Variants in ADAM9 observed in about 807,000 individuals in gnomAD.
The protein encoded by ADAM9 is disintegrin and metalloproteinase domain-containing protein 9.
Under a neutral mutation model 108.1 loss-of-function variants are expected in ADAM9, and 54 were observed. The ratio of observed to expected loss-of-function variants is 0.50; its 90% CI spans 0.40 to 0.63. ADAM9 has a LOEUF of 0.63. Among genes scored for constraint, ADAM9 ranks in the 20% least tolerant of loss-of-function variants. The pLI, the probability that ADAM9 is intolerant of heterozygous loss-of-function variation, is 0.00. For synonymous variants in ADAM9, 316 were observed against 336.0 expected (o/e 0.94, Z 0.65); for missense variants, 830 against 997.7 (o/e 0.83, Z 2.26).
At chr8:39,011,616 T>C (rs1836357049) in intron 2 of ADAM9, 42 bp from the exon 3 acceptor site, 2 of 1,559,072 alleles carry the variant, frequency 1.3e-6, no homozygotes, top group East Asian at 4.5e-5. Flanking sequence ...AAAAGTAATT[T>C]TTAAGATGAT....
intron 1 of ADAM9, among the ~76,000 whole-genome samples, chr8:38,999,768 T>A (rs140864314): frequency 5.4e-4 from 82 of 152,334 alleles, no homozygotes; most frequent in African/African-American, 1.9e-3. Flanking sequence ...AAATTTATAT[T>A]TGCTCTTTGT....
At chr8:39,002,008 T>G (rs77147621) in intron 1 of ADAM9, among the ~76,000 whole-genome samples, 13,408 of 145,268 alleles carry the variant, frequency 0.092, 783 homozygotes, top group Non-Finnish European at 0.13. Context: ...TTATCTGGAA[T>G]TGACCTGGCG....
At chr8:39,022,082 G>A (rs1028410126) in intron 8 of ADAM9, among the ~76,000 whole-genome samples, 1 of 150,864 alleles carries the variant, frequency 6.6e-6, no homozygotes, top group Non-Finnish European at 1.5e-5. Context: ...GTGTGTGTGT[G>A]TGTGTGTGTG....
intron 12 of ADAM9, among the ~76,000 whole-genome samples, chr8:39,043,644 A>G (rs931364403): frequency 1.1e-4 from 16 of 152,200 alleles, no homozygotes; most frequent in African/African-American, 3.6e-4. Context: ...ATTTTTATAT[A>G]TTTAGGGGAT....
intron 12 of ADAM9, among the ~76,000 whole-genome samples, chr8:39,045,432 ATG>A (rs1837711366): frequency 7.5e-6 from 1 of 133,696 alleles, no homozygotes; most frequent in Admixed American, 7.2e-5. Context: ...ACACACCTAT[ATG>A]TGCGCGTGTG....
At chr8:39,030,795 T>C (rs1436884874) in intron 11 of ADAM9, among the ~76,000 whole-genome samples, 1 of 152,256 alleles carries the variant, frequency 6.6e-6, no homozygotes, top group African/African-American at 2.4e-5. Context: ...GCCATTCCTA[T>C]AGGCATGTAG....
At chr8:39,044,589 TCA>T (rs1837554768) in intron 12 of ADAM9, among the ~76,000 whole-genome samples, 2 of 7,258 alleles carry the variant, frequency 2.8e-4, no homozygotes, top group Non-Finnish European at 4.7e-4. Context: ...TTGTCAGCCC[TCA>T]CTCTCCTCCT....
rs776051697 is a variant in ADAM9, at chr8:39,071,419, G to T, written c.1697+16G>T. On this transcript the variant is annotated intron_variant, in intron 15 of 21. Transcript: ENST00000487273. ...GTGCCACTGGGTAAGTGGAGGTGCGGTCATAATGGAATATGAAAGATTATA... is the reference window on the plus strand; with the variant it reads ...GTGCCACTGGGTAAGTGGAGGTGCGTTCATAATGGAATATGAAAGATTATA... The T allele has an allele frequency of 2.0e-5, 32 of 1,562,694 alleles. 1 individual carries two copies. The Admixed American group carries it at 5.0e-4, about 24-fold the overall frequency.
rs1839777695 is a variant in ADAM9 at position 39,103,808 on chromosome 8, CA to C, written c.*112del. 1.0e-6 allele frequency: 1 copy of C among 970,338 alleles called. No homozygotes were observed. The highest frequency in any genetic ancestry group is 1.6e-6 in the Non-Finnish European group (1 of 617,606). The allele number at this position is 970,338 out of a possible 1,614,324, so 60.1% of individuals were successfully genotyped here. A position where few individuals can be genotyped will look rare whatever the true frequency, so the allele number is the denominator to read the frequency against. ...TTTCTGTTGCAACTATGAATGAAAA[CA>C]AAACACCACAAAACAGACTTCACTA... On this transcript the variant is annotated 3_prime_UTR_variant, in exon 22 of 22. Coordinates refer to ENST00000487273, the MANE Select transcript of ADAM9 (RefSeq NM_003816.3).
rs1438098368 is a variant in ADAM9 at position 39,104,046 on chromosome 8, G to T, written c.*346G>T. On this transcript the variant is annotated 3_prime_UTR_variant, in exon 22 of 22. Coordinates refer to ENST00000487273, the MANE Select transcript of ADAM9 (RefSeq NM_003816.3). ...TGGTGTAAGAGTTTTGTCATTAAGT[G>T]TTTAAGTGTTATTCTGAATTTTCTA... 1.0e-5 allele frequency: 5 copies of T among 481,786 alleles called. No homozygotes were observed. The highest frequency in any genetic ancestry group is 7.7e-5 in the South Asian group (5 of 64,708). The allele number at this position is 481,786 out of a possible 1,614,324, so 29.8% of individuals were successfully genotyped here. A position where few individuals can be genotyped will look rare whatever the true frequency, so the allele number is the denominator to read the frequency against.
At chr8:39,045,150 A>ACATATGTGTG (rs1837634322) in intron 12 of ADAM9, among the ~76,000 whole-genome samples, 2 of 106,862 alleles carry the variant, frequency 1.9e-5, no homozygotes, top group African/African-American at 3.1e-5. Flanking sequence ...ATGTGTATAT[A>ACATATGTGTG]TGTGTATACA....
At chr8:39,079,270 AT>A (rs1205312113) in intron 16 of ADAM9, among the ~76,000 whole-genome samples, 1 of 151,912 alleles carries the variant, frequency 6.6e-6, no homozygotes, top group African/African-American at 2.4e-5. Flanking sequence ...TGCCTGGCTA[AT>A]TTTTTTTAAT....
intron 14 of ADAM9, among the ~76,000 whole-genome samples, chr8:39,068,342 C>T (rs1384749737): frequency 6.6e-6 from 1 of 151,942 alleles, no homozygotes; most frequent in African/African-American, 2.4e-5. Flanking sequence ...TTAAGATTCC[C>T]TTGTGAAGAC....
At chr8:39,082,749 C>A (rs1564365824) in intron 17 of ADAM9, 28 bp downstream of exon 17, 3 of 1,584,348 alleles carry the variant, frequency 1.9e-6, no homozygotes, top group East Asian at 4.5e-5. Context: ...TTGGCTTGTT[C>A]CTGAAAGTAG....
At chr8:39,041,517 T>G (rs989538762) in intron 11 of ADAM9, among the ~76,000 whole-genome samples, 5 of 152,156 alleles carry the variant, frequency 3.3e-5, no homozygotes, top group African/African-American at 9.7e-5. Flanking sequence ...GTAATGGGCA[T>G]GGGTGAACAT....
intron 18 of ADAM9, among the ~76,000 whole-genome samples, chr8:39,087,211 C>T (rs1007085082): frequency 6.6e-6 from 1 of 152,196 alleles, no homozygotes; most frequent in Non-Finnish European, 1.5e-5. Context: ...TTTCTTTAGG[C>T]ACTAACCTTG....
intron 12 of ADAM9, among the ~76,000 whole-genome samples, chr8:39,045,297 CCT>C (rs1837669193): frequency 1.0e-5 from 1 of 100,456 alleles, no homozygotes; most frequent in African/African-American, 4.3e-5. Context: ...TGTGTGTACA[CCT>C]ATACATGTGT....
intron 12 of ADAM9, among the ~76,000 whole-genome samples, chr8:39,045,191 CAT>C (rs199991301): frequency 7.3e-5 from 6 of 82,302 alleles, no homozygotes; most frequent in African/African-American, 1.9e-4. Flanking sequence ...TGTATACATA[CAT>C]ATATGTGTAT....
chr8:39,074,992 C>T (rs1485814191), intron 15 of ADAM9, among the ~76,000 whole-genome samples: 1 of 150,868 alleles, frequency 6.6e-6, no homozygotes, highest in Non-Finnish European at 1.5e-5. Context: ...CTGCAACCTC[C>T]ACCTCCCAGA....
Sources: allele counts gnomAD v4.1 joint callset (sites outside exome capture counted in the v4.1 genomes callset), GRCh38; gene constraint gnomAD v4.1.1; transcripts MANE v1.5; gene names NCBI Gene and HGNC (gene_info 2026-07-23, HGNC 2026-07-21).